LHPP: variants seen among roughly 807,000 people sequenced by gnomAD.
The protein encoded by LHPP is hLHPP.
LHPP carries 24 observed loss-of-function variants against 30.3 expected under a neutral mutation model. The ratio of observed to expected loss-of-function variants is 0.79; its 90% CI spans 0.57 to 1.11. LHPP has a LOEUF of 1.11. Ranked by LOEUF, LHPP falls within the 50% of genes most tolerant of loss-of-function variation. The pLI, the probability that LHPP is intolerant of heterozygous loss-of-function variation, is 0.00. For synonymous variants in LHPP, 150 were observed against 157.1 expected (o/e 0.95, Z 0.34); for missense variants, 356 against 367.2 (o/e 0.97, Z 0.25).
At chr10:124,572,425 A>G (rs1948597145) in intron 6 of LHPP, among the ~76,000 whole-genome samples, 1 of 152,016 alleles carries the variant, frequency 6.6e-6, no homozygotes, top group Non-Finnish European at 1.5e-5. Context: ...GAGGTCAGGA[A>G]TTCGAGACCA....
intron 6 of LHPP, among the ~76,000 whole-genome samples, chr10:124,529,299 T>G (rs2133928433): frequency 6.7e-6 from 1 of 148,190 alleles, no homozygotes; most frequent in African/African-American, 2.5e-5. Context: ...CCTCCCAAAG[T>G]GCTGGGATTA....
At chr10:124,589,058 C>T (rs1163300278) in intron 6 of LHPP, among the ~76,000 whole-genome samples, 1 of 152,204 alleles carries the variant, frequency 6.6e-6, no homozygotes, top group Non-Finnish European at 1.5e-5. Flanking sequence ...TGGTGCCCCT[C>T]CCTTGAACCA....
In LHPP at chr10:124,550,726, C is replaced by T. The variant is rs578045935; in HGVS notation, c.716+33455C>T. On this transcript the variant is annotated intron_variant, in intron 6 of 6. Coordinates refer to ENST00000368842, the MANE Select transcript of LHPP (RefSeq NM_022126.4). ...GATAGACTCACTTCCCCTCTCCAGG[C>T]GGCGATTCCGGAAAGGAGGCTCTGG... is the stretch of plus-strand genomic sequence containing the variant. 3.9e-5 allele frequency among the ~76,000 whole-genome samples: 6 copies of T among 152,314 alleles called. No homozygotes were observed. In the East Asian group the frequency reaches 7.7e-4, roughly 20 times the overall value.
At chr10:124,485,736 G>C (rs866702717) in intron 2 of LHPP, among the ~76,000 whole-genome samples, 1 of 151,980 alleles carries the variant, frequency 6.6e-6, no homozygotes, top group South Asian at 2.1e-4. Context: ...AAGTAGCTGG[G>C]GTTACAGGTG....
chr10:124,465,717 G>A (rs1208213843), intron 1 of LHPP, among the ~76,000 whole-genome samples: 2 of 152,090 alleles, frequency 1.3e-5, no homozygotes, highest in Admixed American at 6.6e-5. Flanking sequence ...ATATGCCACC[G>A]TGCCCAGCTA....
At position 124,590,098 on chromosome 10, in the gene LHPP, AG is replaced by A. The variant is rs1948861219; in HGVS notation, c.717-23165del. On this transcript the variant is annotated intron_variant, in intron 6 of 6. Transcript: ENST00000368842. The surrounding 1 kb of genome is among the most constrained non-coding windows in gnomAD (Gnocchi z 4.3). ...GTTTTTTATCCATCGTTCTTTCCAA[AG>A]AATAGTGTGAACAGCTCATTCGATT... Among the ~76,000 whole-genome samples, 1 of 152,164 alleles carries A rather than the reference AG, an allele frequency of 6.6e-6. No individual in the cohort carries two copies. Among genetic ancestry groups the A allele is most frequent in the African/African-American group, 2.4e-5 (1 of 41,436 alleles).
intron 6 of LHPP, among the ~76,000 whole-genome samples, chr10:124,587,193 G>A (rs986738305): frequency 9.2e-5 from 14 of 151,716 alleles, no homozygotes; most frequent in Non-Finnish European, 1.3e-4. Context: ...CACCACACCC[G>A]GCTAATTATT....
intron 1 of LHPP, among the ~76,000 whole-genome samples, chr10:124,471,085 C>T (rs760081528): frequency 7.9e-5 from 12 of 152,072 alleles, no homozygotes; most frequent in Non-Finnish European, 1.8e-4. Context: ...CCAAGTCCTC[C>T]ATCCTCGACC....
chr10:124,532,983 C>T (rs1015628045), intron 6 of LHPP, among the ~76,000 whole-genome samples: 9 of 152,344 alleles, frequency 5.9e-5, no homozygotes, highest in Non-Finnish European at 8.8e-5. Flanking sequence ...GGCAGGAAGA[C>T]CACTGAGCCT....
In LHPP at chr10:124,540,463, A is replaced by G. The variant is rs574103035; in HGVS notation, c.716+23192A>G. 5.3e-5 allele frequency among the ~76,000 whole-genome samples: 8 copies of G among 152,298 alleles called. No individual in the cohort carries two copies. The South Asian group carries it at 1.7e-3, about 32-fold the overall frequency. On this transcript the variant is annotated intron_variant, in intron 6 of 6. Transcript: ENST00000368842. The stretch of plus-strand genomic sequence containing the variant: ...AGCCGCTCGCCCACCAACCCCACTG[A>G]CGGCTCTCAGTTTCCCTTTCCCCGA...
intron 5 of LHPP, chr10:124,498,892 T>C: frequency 3.5e-6 from 1 of 287,176 alleles, no homozygotes; most frequent in Admixed American, 4.9e-5. Context: ...CTTTTTTTTT[T>C]TTTTTTTGAG....
At chr10:124,603,137 C>CG (rs1301170720) in intron 6 of LHPP, among the ~76,000 whole-genome samples, 1 of 152,320 alleles carries the variant, frequency 6.6e-6, no homozygotes, top group East Asian at 1.9e-4. Flanking sequence ...GTGCTGCCTG[C>CG]GGGCGGCAGC....
intron 6 of LHPP, among the ~76,000 whole-genome samples, chr10:124,577,367 C>A (rs1948677658): frequency 6.6e-6 from 1 of 150,378 alleles, no homozygotes; most frequent in African/African-American, 2.4e-5. Flanking sequence ...CTAACCTTTT[C>A]TTTAAAGGAA....
chr10:124,483,024 G>A (rs1953191922), intron 1 of LHPP, among the ~76,000 whole-genome samples: 1 of 151,926 alleles, frequency 6.6e-6, no homozygotes, highest in Non-Finnish European at 1.5e-5. Flanking sequence ...CAGAAGGGTG[G>A]ATGTTACTTC....
chr10:124,613,152 C>T, intron 6 of LHPP, 112 bp from the exon 7 acceptor site: 1 of 839,308 alleles, frequency 1.2e-6, no homozygotes, highest in Middle Eastern at 2.3e-4. Context: ...CTGGCAGGAC[C>T]TGGAGGTTTC....
chr10:124,606,168 C>T (rs908686143), intron 6 of LHPP, among the ~76,000 whole-genome samples: 9 of 152,156 alleles, frequency 5.9e-5, no homozygotes, highest in African/African-American at 2.2e-4. Flanking sequence ...CCGCAGGCGC[C>T]TGGGGAAATC....
intron 6 of LHPP, among the ~76,000 whole-genome samples, chr10:124,602,297 C>T (rs899193826): frequency 2.0e-5 from 3 of 152,238 alleles, no homozygotes; most frequent in African/African-American, 4.8e-5. Flanking sequence ...GATCATGGTG[C>T]GCACCCCATG....
intron 6 of LHPP, among the ~76,000 whole-genome samples, chr10:124,561,652 T>C (rs1948396975): frequency 6.6e-6 from 1 of 151,490 alleles, no homozygotes; most frequent in Non-Finnish European, 1.5e-5. Context: ...CCCACCTCAG[T>C]GTCAGCAGAG....
At chr10:124,558,712 A>G (rs1418663727) in intron 6 of LHPP, among the ~76,000 whole-genome samples, 1 of 152,168 alleles carries the variant, frequency 6.6e-6, no homozygotes, top group Admixed American at 6.5e-5. Context: ...ATTTTGGTAG[A>G]GCTTGGAGTC....
Sources: allele counts gnomAD v4.1 joint callset (sites outside exome capture counted in the v4.1 genomes callset), GRCh38; gene constraint gnomAD v4.1.1; non-coding constraint Gnocchi (gnomAD v3.1); transcripts MANE v1.5; gene names NCBI Gene and HGNC (gene_info 2026-07-23, HGNC 2026-07-21).